Variants in GRM8 observed in about 807,000 individuals in gnomAD.
GRM8 encodes the protein metabotropic glutamate receptor 8.
In GRM8, 47 loss-of-function variants were observed where a neutral mutation model predicts 87.2. The observed-to-expected ratio is 0.54, with a 90% CI of 0.43 to 0.69. The LOEUF (loss-of-function observed/expected upper bound fraction) is 0.69, where lower values mean the gene tolerates loss of function less well. Ranked by LOEUF, GRM8 falls within the 30% of genes least tolerant of loss-of-function variation. The pLI is 0.00. For synonymous variants in GRM8, 396 were observed against 404.5 expected (o/e 0.98, Z 0.25); for missense variants, 1,019 against 1,139.2 (o/e 0.89, Z 1.52).
chr7:127,066,220 T>A (rs1821091110), intron 3 of GRM8, among the ~76,000 whole-genome samples: 1 of 152,228 alleles, frequency 6.6e-6, no homozygotes, highest in East Asian at 1.9e-4. Context: ...ACTGAACACA[T>A]AATCATGAAT....
intron 3 of GRM8, among the ~76,000 whole-genome samples, chr7:126,906,054 A>C (rs1802641511): frequency 6.6e-6 from 1 of 152,302 alleles, no homozygotes; most frequent in African/African-American, 2.4e-5. Context: ...CCAGTGTGAA[A>C]GTATTAGGAG....
chr7:126,457,497 T>G (rs1803390487), intron 9 of GRM8, among the ~76,000 whole-genome samples: 2 of 151,510 alleles, frequency 1.3e-5, no homozygotes, highest in South Asian at 4.1e-4. Flanking sequence ...GGGTATGCTA[T>G]CTGACTAATG....
At chr7:126,530,986 T>C (rs746468764) in intron 9 of GRM8, among the ~76,000 whole-genome samples, 10 of 152,142 alleles carry the variant, frequency 6.6e-5, no homozygotes, top group Non-Finnish European at 1.3e-4. Context: ...TTTTTTTATT[T>C]TTATTATTGT....
intron 3 of GRM8, among the ~76,000 whole-genome samples, chr7:126,977,385 G>T (rs1668198564): frequency 6.6e-6 from 1 of 152,056 alleles, no homozygotes; most frequent in Non-Finnish European, 1.5e-5. Context: ...GTTTGTTTCT[G>T]GTACCCTCCT....
chr7:126,889,483 G>A (rs1249433427), intron 6 of GRM8, among the ~76,000 whole-genome samples: 5 of 152,082 alleles, frequency 3.3e-5, no homozygotes, highest in Non-Finnish European at 7.4e-5. Flanking sequence ...TGGGTTGCAA[G>A]TAGCACACCC....
chr7:126,978,388 A>G (rs1811215489), intron 3 of GRM8, among the ~76,000 whole-genome samples: 1 of 152,226 alleles, frequency 6.6e-6, no homozygotes, highest in Non-Finnish European at 1.5e-5. Context: ...AATCAATAAT[A>G]TCCAAGAATT....
At chr7:126,536,865 A>T (rs1021941807) in intron 8 of GRM8, among the ~76,000 whole-genome samples, 3 of 151,896 alleles carry the variant, frequency 2.0e-5, no homozygotes, top group South Asian at 2.1e-4. Context: ...AAAATGAAAA[A>T]CAGCAAAAAA....
intron 9 of GRM8, among the ~76,000 whole-genome samples, chr7:126,454,610 C>A (rs978765620): frequency 5.9e-5 from 9 of 151,434 alleles, no homozygotes; most frequent in Admixed American, 1.3e-4. Flanking sequence ...GAAGGCCTAA[C>A]CCCCAGTACC....
chr7:126,988,214 T>C (rs1370665991), intron 3 of GRM8, among the ~76,000 whole-genome samples: 1 of 152,228 alleles, frequency 6.6e-6, no homozygotes. Flanking sequence ...TCACCCTTCA[T>C]GCGAAATGAC....
At chr7:126,568,736 G>A (rs1470732273) in intron 8 of GRM8, among the ~76,000 whole-genome samples, 1 of 152,110 alleles carries the variant, frequency 6.6e-6, no homozygotes, top group Non-Finnish European at 1.5e-5. Context: ...TAAAGGGAAT[G>A]ATTCTTCCAT....
At chr7:127,148,559 G>C (rs912537815) in intron 2 of GRM8, among the ~76,000 whole-genome samples, 1 of 151,878 alleles carries the variant, frequency 6.6e-6, no homozygotes, top group Non-Finnish European at 1.5e-5. Context: ...CATTCTCCAG[G>C]ATAGACCATA....
At chr7:127,119,125 G>C (rs1003110229) in intron 2 of GRM8, among the ~76,000 whole-genome samples, 4 of 152,118 alleles carry the variant, frequency 2.6e-5, no homozygotes, top group Non-Finnish European at 5.9e-5. Flanking sequence ...GTGCAAAAAG[G>C]GCTAGCCAAG....
In GRM8 at chr7:127,104,722, C is replaced by G. The variant is rs1019561491; in HGVS notation, c.727+1774G>C. Among the ~76,000 whole-genome samples the G allele has an allele frequency of 7.2e-5, 11 of 152,290 alleles. No homozygotes were observed. The East Asian group carries it at 1.3e-3, about 19-fold the overall frequency. ...ATACAAGGCACCAAAATTATTTTCT[C>G]CCATGCTAATGACTATGATAGAAAC... On this transcript the variant is annotated intron_variant, in intron 3 of 10. Transcript: ENST00000339582.
chr7:127,178,528 T>A (rs1794246846), intron 2 of GRM8, among the ~76,000 whole-genome samples: 1 of 152,160 alleles, frequency 6.6e-6, no homozygotes, highest in Non-Finnish European at 1.5e-5. Context: ...CACAAAAAGA[T>A]CTTTGCCTAG....
At chr7:126,850,415 AAACACACCTGG>A (rs1797105557) in intron 6 of GRM8, among the ~76,000 whole-genome samples, 1 of 152,172 alleles carries the variant, frequency 6.6e-6, no homozygotes, top group Non-Finnish European at 1.5e-5. Context: ...CCTTCCATCC[AAACACACCTGG>A]AACACACCTG....
chr7:126,912,365 C>T (rs1803404977), intron 3 of GRM8, among the ~76,000 whole-genome samples: 1 of 152,204 alleles, frequency 6.6e-6, no homozygotes, highest in South Asian at 2.1e-4. Flanking sequence ...AGCCTGACTG[C>T]TTGAGCTGGG....
chr7:126,582,597 C>T (rs968310943), intron 8 of GRM8, among the ~76,000 whole-genome samples: 5 of 152,140 alleles, frequency 3.3e-5, no homozygotes, highest in Non-Finnish European at 5.9e-5. Context: ...CTAAGACTTC[C>T]ATTGCTAGAA....
intron 3 of GRM8, among the ~76,000 whole-genome samples, chr7:127,035,182 C>A (rs77503502): frequency 3.3e-5 from 5 of 152,304 alleles, no homozygotes; most frequent in African/African-American, 1.2e-4. Context: ...TCTTTTCCCA[C>A]TGTGGGGCAG....
chr7:126,764,197 A>G (rs1055721584), intron 7 of GRM8, among the ~76,000 whole-genome samples: 8 of 152,002 alleles, frequency 5.3e-5, no homozygotes, highest in African/African-American at 1.7e-4. Context: ...CACACTGGTT[A>G]AAACTGATAG....
Sources: allele counts gnomAD v4.1 joint callset (sites outside exome capture counted in the v4.1 genomes callset), GRCh38; gene constraint gnomAD v4.1.1; transcripts MANE v1.5; gene names NCBI Gene and HGNC (gene_info 2026-07-23, HGNC 2026-07-21).